Variants in GNAS observed in about 807,000 individuals in gnomAD.
The protein encoded by GNAS is protein ALEX.
In GNAS, 8 loss-of-function variants were observed where a neutral mutation model predicts 54.5. The ratio of observed to expected loss-of-function variants is 0.15; its 90% CI spans 0.09 to 0.26. The LOEUF is 0.26. Among genes scored for constraint, GNAS ranks in the 10% least tolerant of loss-of-function variants. GNAS has a pLI of 1.00. For synonymous variants in GNAS, 204 were observed against 191.4 expected, an observed-to-expected ratio of 1.07 and a Z score of -0.54; for missense variants, 170 against 529.8, an observed-to-expected ratio of 0.32 and a Z score of 6.67.
At chr20:58,902,725 C>CTTTTTTTTTTTTTTTTTTTT (rs60022134) in intron 3 of GNAS, among the ~76,000 whole-genome samples, 4 of 69,510 alleles carry the variant, frequency 5.8e-5, no homozygotes, top group African/African-American at 2.7e-4. Context: ...GCACATACGA[C>CTTTTTTTTTTTTTTTTTTTT]TTTTTTTTTT....
chr20:58,849,706 A>G (rs775306621), intron 1 of GNAS, among the ~76,000 whole-genome samples: 35 of 152,174 alleles, frequency 2.3e-4, no homozygotes, highest in Non-Finnish European at 3.8e-4. Context: ...TCTTTCTAGC[A>G]TAAGAGCTGC....
rs199549396 is a variant in GNAS, at chr20:58,855,125, C to T, written c.43+14239C>T. The T allele has an allele frequency of 1.1e-5, 18 of 1,613,578 alleles. No individual in the cohort carries two copies. The highest frequency in any genetic ancestry group is 2.7e-5 in the African/African-American group (2 of 74,954). ...TCGTGCAAGCCTTCGGGGGCTGCTT[C>T]GGTCGATCTGAGAGTCCCCAGCCCA... On this transcript the variant is annotated intron_variant, in intron 1 of 12. Transcript: ENST00000306090.
At chr20:58,855,455 G>A (rs906646425) in intron 1 of GNAS, 50 of 923,862 alleles carry the variant, frequency 5.4e-5, no homozygotes, top group Non-Finnish European at 7.1e-5. Flanking sequence ...CCAAAGGCGG[G>A]AAGAACTTGC....
In GNAS at chr20:58,854,041, C is replaced by T. The variant is rs773990885; in HGVS notation, c.43+13155C>T. The T allele has an allele frequency of 4.3e-6, 7 of 1,610,886 alleles. No homozygotes were observed. The East Asian group carries it at 6.7e-5, about 15-fold the overall frequency. On this transcript the variant is annotated intron_variant, in intron 1 of 12. Transcript: ENST00000306090. ...GGCAGCAGCCAGTTCGCGGCAGTCG[C>T]GGCCTCGAGTGCGGTCCGCCTCACT...
intron 1 of GNAS, among the ~76,000 whole-genome samples, chr20:58,859,464 T>G (rs1347752641): frequency 1.5e-5 from 2 of 130,210 alleles, no homozygotes; most frequent in East Asian, 4.0e-4. Flanking sequence ...CCCAAAGTAC[T>G]GGGATTACAG....
At chr20:58,900,505 C>T (rs1569006821) in intron 3 of GNAS, 1 of 182,930 alleles carries the variant, frequency 5.5e-6, no homozygotes, top group East Asian at 9.0e-5. Context: ...AATAGCTTCC[C>T]CCACCACTTA....
In GNAS at chr20:58,910,969, C is replaced by A. The variant is rs774561791; in HGVS notation, c.*140C>A. On this transcript the variant is annotated 3_prime_UTR_variant, in exon 13 of 13. Transcript: ENST00000371085. This position sits in a 1 kb window ranked among gnomAD's most constrained non-coding sequence, Gnocchi z 5.8. ...CCTTCCCCCGAGTGATTTTGCGAAA[C>A]CCCCTTTTCCCTTCAGCTTGCTTAG... 1.2e-6 allele frequency: 1 copy of A among 824,426 alleles called. No individual in the cohort carries two copies. The highest frequency in any genetic ancestry group is 2.0e-6 in the Non-Finnish European group (1 of 496,240). 51.1% of individuals were successfully genotyped at this position (824,426 alleles called of 1,614,324 possible).
chr20:58,880,217 C>T (rs575340096), intron 1 of GNAS, among the ~76,000 whole-genome samples: 17 of 152,270 alleles, frequency 1.1e-4, no homozygotes, highest in Admixed American at 9.8e-4. Context: ...CAGTCTTACA[C>T]AGTCCATTTT....
At chr20:58,889,204 G>C (rs2088850728), upstream of GNAS, 2 of 1,204,352 alleles carry the variant, frequency 1.7e-6, no homozygotes, top group African/African-American at 3.4e-5. Context: ...CGCGGAGCGG[G>C]CTGCGTCAGG....
At chr20:58,883,338 T>G (rs2088372795) in intron 1 of GNAS, among the ~76,000 whole-genome samples, 1 of 152,202 alleles carries the variant, frequency 6.6e-6, no homozygotes, top group Non-Finnish European at 1.5e-5. Flanking sequence ...AGCCGTAATC[T>G]GAGAAGGTAG....
At chr20:58,861,384 C>T (rs1279088608) in intron 1 of GNAS, among the ~76,000 whole-genome samples, 2 of 152,186 alleles carry the variant, frequency 1.3e-5, no homozygotes, top group East Asian at 3.8e-4. Context: ...CCTAATTGAC[C>T]ATCTCTGACC....
chr20:58,909,854 C>A lies in GNAS; in HGVS notation c.839+50C>A. On this transcript the variant is annotated intron_variant, in intron 10 of 12. Transcript: ENST00000371085. The surrounding 1 kb of genome is among the most constrained non-coding windows in gnomAD (Gnocchi z 7.3). ...CTGCGCTTGCCCAGGAGGCCCTGGT[C>A]TGCACTGTTTATAGAGAAGAACCCC... is the stretch of plus-strand genomic sequence containing the variant. The A allele has an allele frequency of 6.2e-7, 1 of 1,612,624 alleles. No homozygotes were observed. The highest frequency in any genetic ancestry group is 8.5e-7 in the Non-Finnish European group (1 of 1,179,660).
At chr20:58,855,298 TG>T in intron 1 of GNAS, 1 of 1,582,290 alleles carries the variant, frequency 6.3e-7, no homozygotes, top group Non-Finnish European at 8.6e-7. Flanking sequence ...GACGAAAAGA[TG>T]GGCTACATGT....
chr20:58,902,725 CTTTTTTTTTTTTT>C (rs60022134), intron 3 of GNAS, among the ~76,000 whole-genome samples: 12 of 69,488 alleles, frequency 1.7e-4, no homozygotes, highest in African/African-American at 6.0e-4. Context: ...GCACATACGA[CTTTTTTTTTTTTT>C]TTTTTTTTTT....
At chr20:58,854,996 C>A in intron 1 of GNAS, 3 of 1,612,430 alleles carry the variant, frequency 1.9e-6, no homozygotes, top group East Asian at 2.2e-5. Flanking sequence ...ATGACTCCAG[C>A]GGAGACGAGT....
At position 58,910,941 on chromosome 20, in the gene GNAS, T is replaced by C; in HGVS notation, c.*112T>C. 2 of 1,065,940 alleles carry C rather than the reference T, an allele frequency of 1.9e-6. No individual in the cohort carries two copies. Among genetic ancestry groups the C allele is most frequent in the Non-Finnish European group, 2.8e-6 (2 of 702,976 alleles). 66.0% of individuals were successfully genotyped at this position (1,065,940 alleles called of 1,614,324 possible). Reference sequence around the variant, plus strand: ...TAGGGCATGATTAACAAAGCAACCTTTCCCTTCCCCCGAGTGATTTTGCGA... The same window carrying C: ...TAGGGCATGATTAACAAAGCAACCTCTCCCTTCCCCCGAGTGATTTTGCGA... On this transcript the variant is annotated 3_prime_UTR_variant, in exon 13 of 13. Coordinates refer to ENST00000371085, the MANE Select transcript of GNAS (RefSeq NM_000516.7). This position sits in a 1 kb window ranked among gnomAD's most constrained non-coding sequence, Gnocchi z 5.8.
Position 58,891,735 on chromosome 20 carries a change from C to A in GNAS, c.9C>A (p.Cys3Ter). Residue 3 changes from cysteine to a stop codon, truncating the protein, a stop_gained, in exon 1 of 13, where the codon TGC becomes TGA. Coordinates refer to ENST00000371085, the MANE Select transcript of GNAS (RefSeq NM_000516.7). LOFTEE classifies it high-confidence loss of function. The part of the protein sequence containing the change: MG[C>*]LGNSKTEDQR... ...CCGCCGCCGCCGCCGCCATGGGCTG[C>A]CTCGGGAACAGTAAGACCGAGGACC... 2 of 1,182,296 alleles carry A rather than the reference C, an allele frequency of 1.7e-6. No individual in the cohort carries two copies. Among genetic ancestry groups the A allele is most frequent in the Non-Finnish European group, 2.2e-6 (2 of 923,024 alleles). 73.2% of individuals were successfully genotyped at this position (1,182,296 alleles called of 1,614,324 possible). A position where few individuals can be genotyped will look rare whatever the true frequency, so the allele number is the denominator to read the frequency against.
At chr20:58,851,549 C>T (rs767181867) in intron 1 of GNAS, among the ~76,000 whole-genome samples, 30 of 152,164 alleles carry the variant, frequency 2.0e-4, no homozygotes, top group Non-Finnish European at 2.6e-4. Context: ...TTTATGTGAC[C>T]CCCTTACAGC....
rs1446944041 is a variant in GNAS at position 58,910,118 on chromosome 20, C to A, written c.970+37C>A. 6.2e-7 allele frequency: 1 copy of A among 1,606,814 alleles called. No individual in the cohort carries two copies. ...TTCCACTCTTGCTGGCTGTTCATTG[C>A]GGTGGTTCTTTTTCAAACGGTCAGG... On this transcript the variant is annotated intron_variant, in intron 11 of 12. Transcript: ENST00000371085. This position sits in a 1 kb window ranked among gnomAD's most constrained non-coding sequence, Gnocchi z 5.8.
Sources: gnomAD v4.1 joint callset for allele counts (sites outside exome capture counted in the v4.1 genomes callset) on GRCh38, gnomAD v4.1.1 for gene constraint, Gnocchi (gnomAD v3.1) non-coding constraint, MANE v1.5 for transcripts, NCBI Gene and HGNC (gene_info 2026-07-23, HGNC 2026-07-21) for gene names.